CAPN2: variants seen among roughly 807,000 people sequenced by gnomAD.
The protein encoded by CAPN2 is calpain-2 catalytic subunit.
CAPN2 carries 92 observed loss-of-function variants against 102.3 expected under a neutral mutation model. That is an observed-to-expected ratio of 0.90 (90% CI 0.76 to 1.07). CAPN2 has a LOEUF of 1.07. Ranked by LOEUF, CAPN2 falls within the 50% of genes least tolerant of loss-of-function variation. The pLI is 0.00. For missense variants in CAPN2, 800 were observed against 909.4 expected (o/e 0.88, Z 1.55); for synonymous variants, 340 against 355.4 (o/e 0.96, Z 0.49).
chr1:223,755,613 C>A lies in CAPN2; in HGVS notation c.1269C>A (p.Gly423=). ...QKHRRRQRKM[G]EDMHTIGFGI... ...ACCGACGGCGGCAGAGGAAGATGGGCGAGGACATGCACACCATCGGCTTTG... is the reference window on the plus strand; with the variant it reads ...ACCGACGGCGGCAGAGGAAGATGGGAGAGGACATGCACACCATCGGCTTTG... The change falls in exon 10 of 21, where the codon GGC becomes GGA. Residue 423 remains glycine, a synonymous_variant. Transcript: ENST00000295006. The surrounding 1 kb of genome is among the most constrained non-coding windows in gnomAD (Gnocchi z 4.1). 6.2e-7 allele frequency: 1 copy of A among 1,609,440 alleles called. No homozygotes were observed.
In CAPN2 at chr1:223,754,791, C is replaced by A. The variant is rs937609953; in HGVS notation, c.1136-689C>A. Among the ~76,000 whole-genome samples the A allele has an allele frequency of 3.3e-5, 5 of 152,148 alleles. No individual in the cohort carries two copies. The highest frequency in any genetic ancestry group is 7.4e-5 in the Non-Finnish European group (5 of 68,018). Reference sequence around the variant, plus strand: ...AGTCTGGAATTATACACAGGATGTTCTTGGCCTCCGGGCTCACCGAGGGGG... The same window carrying A: ...AGTCTGGAATTATACACAGGATGTTATTGGCCTCCGGGCTCACCGAGGGGG... On this transcript the variant is annotated intron_variant, in intron 9 of 20. Coordinates refer to ENST00000295006, the MANE Select transcript of CAPN2 (RefSeq NM_001748.5). The surrounding 1 kb of genome is among the most constrained non-coding windows in gnomAD (Gnocchi z 4.7).
In CAPN2 at chr1:223,759,424, C is replaced by T. The variant is rs772302793; in HGVS notation, c.1472C>T (p.Pro491Leu). Residue 491 changes from proline (P) to leucine (L), a missense_variant, in exon 12 of 21, where the codon CCC (proline) becomes CTC (leucine). Pro to Leu is a moderately conservative substitution (Grantham distance 98, BLOSUM62 -3). Transcript: ENST00000295006. This position sits in a 1 kb window ranked among gnomAD's most constrained non-coding sequence, Gnocchi z 4.6. ...ATTCTCGTGCCTTCCACCTTCGAAC[C>T]CAACAAGGATGGGGATTTCTGCATC... ...EYILVPSTFE[P>L]NKDGDFCIRV... 1 of 1,614,178 alleles carries T rather than the reference C, an allele frequency of 6.2e-7. No individual in the cohort carries two copies. The highest frequency in any genetic ancestry group is 1.7e-5 in the Admixed American group (1 of 60,018).
chr1:223,712,848 A>C lies in CAPN2; in HGVS notation c.208A>C (p.Thr70Pro). The C allele has an allele frequency of 6.4e-7, 1 of 1,553,298 alleles. No individual in the cohort carries two copies. Residue 70 changes from threonine to proline, a missense_variant, in exon 1 of 21, where the codon ACC becomes CCC. Physicochemically the swap from Thr to Pro is conservative, Grantham distance 38. Transcript: ENST00000295006. ...FKELGPYSSK[T>P]RGIEWKRPTE... ...GGAGTTGGGGCCCTACTCCAGCAAA[A>C]CCCGGGGCATCGAGTGGAAGCGCCC... is the stretch of plus-strand genomic sequence containing the variant.
At chr1:223,722,755 T>G (rs1420230317) in intron 2 of CAPN2, among the ~76,000 whole-genome samples, 2 of 152,194 alleles carry the variant, frequency 1.3e-5, no homozygotes, top group African/African-American at 4.8e-5. Context: ...TATTAACATG[T>G]TACATCAGTG....
intron 16 of CAPN2, among the ~76,000 whole-genome samples, chr1:223,768,929 CT>C (rs1179017480): frequency 6.6e-6 from 1 of 152,134 alleles, no homozygotes; most frequent in African/African-American, 2.4e-5. Context: ...ATAAGATCGT[CT>C]TCTTGATTTA....
rs1222609974 is a variant in CAPN2 at position 223,775,034 on chromosome 1, CAAAGTA to C, written c.*182_*187del. The C allele has an allele frequency of 5.3e-5, 33 of 623,216 alleles. No individual in the cohort carries two copies. Among genetic ancestry groups the C allele is most frequent in the African/African-American group, 1.3e-4 (7 of 54,404 alleles). The allele number at this position is 623,216 out of a possible 1,614,324, so 38.6% of individuals were successfully genotyped here. A position where few individuals can be genotyped will look rare whatever the true frequency, so the allele number is the denominator to read the frequency against. The stretch of plus-strand genomic sequence containing the variant: ...TTGAGATAGCAGAAGTTTCACACAT[CAAAGTA>C]AAAGATTTGCATATCATTATACTAA... On this transcript the variant is annotated 3_prime_UTR_variant, in exon 21 of 21. Transcript: ENST00000295006.
rs57382658 is a variant in CAPN2 at position 223,730,010 on chromosome 1, C to CAAAAAA, written c.307+12199_307+12204dup. ...AGAGCAAGACTCGCTCCCAAAAAAC[C>CAAAAAA]AAAAAAAAAAAAAAAAAAAAAAAAA... On this transcript the variant is annotated intron_variant, in intron 2 of 20. Transcript: ENST00000295006. Among the ~76,000 whole-genome samples the CAAAAAA allele has an allele frequency of 2.6e-3, 205 of 78,932 alleles. 1 individual carries two copies. Among genetic ancestry groups the CAAAAAA allele is most frequent in the East Asian group, 4.1e-3 (9 of 2,208 alleles). The allele number at this position is 78,932 out of a possible 152,430, so 51.8% of individuals were successfully genotyped here.
At chr1:223,720,309 T>C (rs1660018098) in intron 2 of CAPN2, among the ~76,000 whole-genome samples, 1 of 123,678 alleles carries the variant, frequency 8.1e-6, no homozygotes, top group South Asian at 2.6e-4. Flanking sequence ...TTTTCTCTCT[T>C]TCTCTCTTTT....
rs201955876 is a variant in CAPN2 at position 223,759,428 on chromosome 1, C to T, written c.1476C>T (p.Asn492=). 7.6e-5 allele frequency: 122 copies of T among 1,614,208 alleles called. 1 individual carries two copies. In the Middle Eastern group the frequency reaches 4.0e-3, roughly 52 times the overall value. The change falls in exon 12 of 21, where the codon AAC becomes AAT. Residue 492 remains asparagine, a synonymous_variant. Coordinates refer to ENST00000295006, the MANE Select transcript of CAPN2 (RefSeq NM_001748.5). The surrounding 1 kb of genome is among the most constrained non-coding windows in gnomAD (Gnocchi z 4.6). ...YILVPSTFEP[N]KDGDFCIRVF... is the part of the protein sequence containing the mutation. ...TCGTGCCTTCCACCTTCGAACCCAA[C>T]AAGGATGGGGATTTCTGCATCCGGG...
chr1:223,754,730 T>C lies in CAPN2; in HGVS notation c.1136-750T>C, dbSNP rs952746498. On this transcript the variant is annotated intron_variant, in intron 9 of 20. Transcript: ENST00000295006. The surrounding 1 kb of genome is among the most constrained non-coding windows in gnomAD (Gnocchi z 4.7). ...AGACATCAGGAGCAGGGCAAGGGAA[T>C]AGGCCTGAGAGGACAAGGGACGCAG... Among the ~76,000 whole-genome samples the C allele has an allele frequency of 4.6e-5, 7 of 152,200 alleles. No homozygotes were observed. Among genetic ancestry groups the C allele is most frequent in the Admixed American group, 2.0e-4 (3 of 15,286 alleles).
At chr1:223,719,836 G>A (rs28370029) in intron 2 of CAPN2, among the ~76,000 whole-genome samples, 17,816 of 152,022 alleles carry the variant, frequency 0.12, 1,552 homozygotes, top group African/African-American at 0.21. Flanking sequence ...GTGTGTGCGC[G>A]CGCGCGCGTA....
At chr1:223,734,807 A>G (rs996565485) in intron 2 of CAPN2, among the ~76,000 whole-genome samples, 2 of 152,204 alleles carry the variant, frequency 1.3e-5, no homozygotes, top group East Asian at 1.9e-4. Context: ...AATGCTTTGC[A>G]TATTTTTTTC....
At chr1:223,761,430 T>C in intron 12 of CAPN2, 151 bp from the exon 13 acceptor site, 1 of 529,550 alleles carries the variant, frequency 1.9e-6, no homozygotes, top group Non-Finnish European at 3.3e-6. Context: ...TCACAGAAAC[T>C]TGGAATACAA....
At chr1:223,772,093 A>C (rs1661492330) in intron 19 of CAPN2, 88 bp from the exon 20 acceptor site, 3 of 1,276,816 alleles carry the variant, frequency 2.3e-6, no homozygotes, top group Non-Finnish European at 3.4e-6. Context: ...TATGGTGGTC[A>C]GTGAAGTCAG....
intron 2 of CAPN2, among the ~76,000 whole-genome samples, chr1:223,739,202 T>TA (rs1660544321): frequency 6.7e-6 from 1 of 149,588 alleles, no homozygotes; most frequent in Non-Finnish European, 1.5e-5. Context: ...TTTTTTTTTT[T>TA]AGACAGAGTC....
chr1:223,704,341 C>T (rs1182118263), intron 1 of CAPN2, among the ~76,000 whole-genome samples: 1 of 152,154 alleles, frequency 6.6e-6, no homozygotes, highest in Non-Finnish European at 1.5e-5. Context: ...TTCCATCCAA[C>T]CCTGAGATTC....
chr1:223,702,629 A>G (rs1039367215), intron 1 of CAPN2, among the ~76,000 whole-genome samples: 17 of 152,188 alleles, frequency 1.1e-4, no homozygotes, highest in African/African-American at 4.1e-4. Flanking sequence ...TACATCAAGA[A>G]GAGAGCAAAA....
chr1:223,708,856 A>G (rs1659670352), upstream of CAPN2, among the ~76,000 whole-genome samples: 1 of 152,068 alleles, frequency 6.6e-6, no homozygotes, highest in Admixed American at 6.6e-5. Flanking sequence ...AAGAAAAAAT[A>G]GAGAAAAAGA....
intron 2 of CAPN2, among the ~76,000 whole-genome samples, chr1:223,734,438 A>G (rs1430930839): frequency 6.6e-6 from 1 of 152,126 alleles, no homozygotes; most frequent in Non-Finnish European, 1.5e-5. Context: ...GGCACACACC[A>G]GGACACCTCG....
Sources: gnomAD v4.1 joint callset for allele counts (sites outside exome capture counted in the v4.1 genomes callset) on GRCh38, gnomAD v4.1.1 for gene constraint, Gnocchi (gnomAD v3.1) non-coding constraint, MANE v1.5 for transcripts, NCBI Gene and HGNC (gene_info 2026-07-23, HGNC 2026-07-21) for gene names.